NTNG1: variants seen among roughly 807,000 people sequenced by gnomAD.
The protein encoded by NTNG1 is netrin-G1.
A neutral mutation model predicts 54.0 loss-of-function variants in NTNG1; 16 were observed. The observed-to-expected ratio is 0.30, with a 90% CI of 0.20 to 0.45. The LOEUF is 0.45. NTNG1 is among the 20% of genes least tolerant of loss of function. The probability of loss-of-function intolerance (pLI) is 1.00; values close to 1 mark genes in which losing one functional copy is unlikely to be tolerated. For missense variants in NTNG1, 530 were observed against 678.7 expected (o/e 0.78, Z 2.43); for synonymous variants, 255 against 263.1 (o/e 0.97, Z 0.30).
chr1:107,262,856 G>C (rs1421763102), intron 2 of NTNG1, among the ~76,000 whole-genome samples: 2 of 152,240 alleles, frequency 1.3e-5, no homozygotes, highest in Non-Finnish European at 2.9e-5. Flanking sequence ...GTAGTGGACA[G>C]AGATGAAACA....
chr1:107,385,496 A>G (rs1480368235), intron 3 of NTNG1, among the ~76,000 whole-genome samples: 1 of 152,112 alleles, frequency 6.6e-6, no homozygotes, highest in Non-Finnish European at 1.5e-5. Flanking sequence ...ATCGGTCAGA[A>G]CATAGTCATA....
intron 2 of NTNG1, among the ~76,000 whole-genome samples, chr1:107,214,519 G>A (rs1006039653): frequency 3.3e-5 from 5 of 152,090 alleles, no homozygotes; most frequent in African/African-American, 1.2e-4. Flanking sequence ...TCCACTCATT[G>A]ATTGATGGGC....
intron 2 of NTNG1, among the ~76,000 whole-genome samples, chr1:107,171,043 C>T (rs1226014273): frequency 6.6e-6 from 1 of 152,044 alleles, no homozygotes; most frequent in Non-Finnish European, 1.5e-5. Context: ...GTGGTAAAAT[C>T]AGATTGACTC....
At chr1:107,427,361 T>C (rs904518541) in intron 5 of NTNG1, among the ~76,000 whole-genome samples, 7 of 151,898 alleles carry the variant, frequency 4.6e-5, no homozygotes, top group African/African-American at 1.7e-4. Context: ...TCATGGGAGG[T>C]CAGTGATTTG....
chr1:107,470,554 T>C (rs61180953), intron 7 of NTNG1, among the ~76,000 whole-genome samples: 1 of 152,348 alleles, frequency 6.6e-6, no homozygotes, highest in East Asian at 1.9e-4. Context: ...ATAAACATTT[T>C]GTATCTGCCT....
chr1:107,324,880 C>G lies in NTNG1; in HGVS notation c.845C>G (p.Ala282Gly), dbSNP rs1667859613. The change falls in exon 3 of 8, where the codon GCA becomes GGA. Residue 282 changes from alanine to glycine, a missense_variant. By Grantham distance (60) the Ala-to-Gly change is moderately conservative. Around this residue, in one of 2 missense-constraint regions of NTNG1, gnomAD observed 318 missense variants for 465.1 expected, o/e 0.68. Transcript: ENST00000370068. ...GEIFVDELHL[A>G]RYFYAISDIK... ...ATATTTGTAGATGAGCTACACTTGG[C>G]ACGCTACTTTTACGCGATCTCAGAC... is the stretch of plus-strand genomic sequence containing the variant. 1 of 1,613,008 alleles carries G rather than the reference C, an allele frequency of 6.2e-7. No homozygotes were observed. The highest frequency in any genetic ancestry group is 1.1e-5 in the South Asian group (1 of 91,044).
intron 7 of NTNG1, among the ~76,000 whole-genome samples, chr1:107,479,587 A>G (rs909115535): frequency 1.3e-5 from 2 of 152,142 alleles, no homozygotes; most frequent in Non-Finnish European, 2.9e-5. Context: ...TAAGCAGCAT[A>G]TGTTGCTTGG....
intron 2 of NTNG1, among the ~76,000 whole-genome samples, chr1:107,237,707 A>G (rs1391160119): frequency 6.6e-6 from 1 of 152,128 alleles, no homozygotes; most frequent in Non-Finnish European, 1.5e-5. Context: ...GCTCAAGCAG[A>G]CCATGGCTTG....
At chr1:107,345,002 A>G (rs981926476) in intron 3 of NTNG1, among the ~76,000 whole-genome samples, 3 of 152,212 alleles carry the variant, frequency 2.0e-5, no homozygotes, top group African/African-American at 7.2e-5. Context: ...GGAAAAGCAT[A>G]GCATTCAAAC....
At chr1:107,354,798 CAGAG>C (rs1669843316) in intron 3 of NTNG1, among the ~76,000 whole-genome samples, 1 of 152,162 alleles carries the variant, frequency 6.6e-6, no homozygotes, top group African/African-American at 2.4e-5. Flanking sequence ...TGGACACTCT[CAGAG>C]AGCCCTTTTG....
chr1:107,331,465 T>C (rs1376207694), intron 3 of NTNG1, among the ~76,000 whole-genome samples: 1 of 152,152 alleles, frequency 6.6e-6, no homozygotes, highest in East Asian at 1.9e-4. Context: ...TGTCACATTG[T>C]GTTAAGTCTA....
intron 2 of NTNG1, among the ~76,000 whole-genome samples, chr1:107,227,526 C>T (rs1332154022): frequency 6.6e-6 from 1 of 152,000 alleles, no homozygotes. Flanking sequence ...TCGGTTGGTC[C>T]CTTGAGCAAA....
At chr1:107,470,172 T>A (rs78888229) in intron 7 of NTNG1, among the ~76,000 whole-genome samples, 4,364 of 152,288 alleles carry the variant, frequency 0.029, 117 homozygotes, top group Non-Finnish European at 0.039. Flanking sequence ...TTTTCTGAGA[T>A]AATTGGTAGT....
chr1:107,468,968 C>T (rs4915044), intron 7 of NTNG1, among the ~76,000 whole-genome samples: 107,737 of 151,664 alleles, frequency 0.71, 40,022 homozygotes, highest in South Asian at 0.81. Context: ...TGGTGGCGCG[C>T]GCCTATAATC....
intron 1 of NTNG1, among the ~76,000 whole-genome samples, chr1:107,147,428 T>C (rs540537377): frequency 1.3e-5 from 2 of 152,082 alleles, no homozygotes; most frequent in East Asian, 3.9e-4. Flanking sequence ...AAAATTCTTA[T>C]GAAAGGAAAT....
chr1:107,432,221 G>C (rs114219886), intron 6 of NTNG1, among the ~76,000 whole-genome samples: 1 of 152,260 alleles, frequency 6.6e-6, no homozygotes, highest in Non-Finnish European at 1.5e-5. Flanking sequence ...GGATGCACAG[G>C]AAACCCTTGG....
intron 2 of NTNG1, among the ~76,000 whole-genome samples, chr1:107,202,776 C>T (rs1658855569): frequency 1.3e-5 from 2 of 151,904 alleles, no homozygotes; most frequent in Admixed American, 1.3e-4. Context: ...ATTCCAAATG[C>T]ACTATTTTCT....
chr1:107,148,471 A>T lies in NTNG1; in HGVS notation c.-123A>T. 1 of 889,802 alleles carries T rather than the reference A, an allele frequency of 1.1e-6. No homozygotes were observed. The highest frequency in any genetic ancestry group is 2.5e-5 in the East Asian group (1 of 40,768). 55.1% of individuals were successfully genotyped at this position (889,802 alleles called of 1,614,324 possible). A position where few individuals can be genotyped will look rare whatever the true frequency, so the allele number is the denominator to read the frequency against. The stretch of plus-strand genomic sequence containing the variant: ...GTCCCATCTTCATTTAAAAAAAAAT[A>T]CAGAGACCTACCTACCCGTACGCAT... On this transcript the variant is annotated 5_prime_UTR_variant, in exon 2 of 8. Coordinates refer to ENST00000370068, the MANE Select transcript of NTNG1 (RefSeq NM_001113226.3).
At chr1:107,399,437 A>T (rs938902273) in intron 4 of NTNG1, among the ~76,000 whole-genome samples, 1 of 152,214 alleles carries the variant, frequency 6.6e-6, no homozygotes, top group African/African-American at 2.4e-5. Context: ...CATAAATCTA[A>T]CTTGAATTGT....
Sources: gnomAD v4.1 joint callset for allele counts (sites outside exome capture counted in the v4.1 genomes callset) on GRCh38, gnomAD v4.1.1 for gene constraint, gnomAD v4.1.1 regional missense constraint, MANE v1.5 for transcripts, NCBI Gene and HGNC (gene_info 2026-07-23, HGNC 2026-07-21) for gene names.